The following VTI1A variants were observed in gnomAD, a reference collection of about 807,000 sequenced individuals.
VTI1A encodes vesicle transport through interaction with t-SNAREs homolog 1A.
VTI1A carries 22 observed loss-of-function variants against 34.9 expected under a neutral mutation model. The ratio of observed to expected loss-of-function variants is 0.63; its 90% CI spans 0.45 to 0.90. The LOEUF is 0.90. VTI1A is among the 40% of genes least tolerant of loss of function. The pLI, the probability that VTI1A is intolerant of heterozygous loss-of-function variation, is 0.00. For missense variants in VTI1A, 268 were observed against 275.6 expected (o/e 0.97, Z 0.20); for synonymous variants, 87 against 97.3 (o/e 0.89, Z 0.62).
chr10:112,614,401 G>A (rs538512276), intron 5 of VTI1A, among the ~76,000 whole-genome samples: 3 of 152,250 alleles, frequency 2.0e-5, no homozygotes, highest in Admixed American at 2.0e-4. Flanking sequence ...GACAGCAGCG[G>A]TTAATATTTG....
At chr10:112,783,392 C>T (rs569007888) in intron 7 of VTI1A, among the ~76,000 whole-genome samples, 13 of 97,656 alleles carry the variant, frequency 1.3e-4, no homozygotes, top group Admixed American at 9.7e-4. Flanking sequence ...TGCATGCCCG[C>T]GTGCACGTGC....
At chr10:112,679,490 C>A (rs1848144521) in intron 7 of VTI1A, among the ~76,000 whole-genome samples, 1 of 151,790 alleles carries the variant, frequency 6.6e-6, no homozygotes. Flanking sequence ...TAGGAGGTGT[C>A]ACGATTTTTT....
In VTI1A at chr10:112,779,075, G is replaced by A. The variant is rs12571951; in HGVS notation, c.561-36215G>A. Among the ~76,000 whole-genome samples the A allele has an allele frequency of 4.6e-5, 7 of 152,222 alleles. No homozygotes were observed. The East Asian group carries it at 5.8e-4, about 13-fold the overall frequency. On this transcript the variant is annotated intron_variant, in intron 7 of 7. Coordinates refer to ENST00000393077, the MANE Select transcript of VTI1A (RefSeq NM_145206.4). Reference sequence around the variant, plus strand: ...GTGGAAATCTCACGTTTGCTTTATCGCAGCTTGAAAAGGAACGAGAGAAAG... The same window carrying A: ...GTGGAAATCTCACGTTTGCTTTATCACAGCTTGAAAAGGAACGAGAGAAAG...
At chr10:112,717,123 C>T (rs1398134817) in intron 7 of VTI1A, among the ~76,000 whole-genome samples, 1 of 152,188 alleles carries the variant, frequency 6.6e-6, no homozygotes, top group East Asian at 1.9e-4. Context: ...GACATTGGCT[C>T]AGTGCTGAGA....
chr10:112,566,029 A>T (rs1031670077), intron 5 of VTI1A, among the ~76,000 whole-genome samples: 2 of 152,074 alleles, frequency 1.3e-5, no homozygotes, highest in African/African-American at 4.8e-5. Flanking sequence ...AATTTAAAAG[A>T]TAAACATTAA....
chr10:112,829,301 G>T, the VTI1A span, among the ~76,000 whole-genome samples: 6 of 151,942 alleles, frequency 3.9e-5, no homozygotes, highest in African/African-American at 1.2e-4. Context: ...AAAATTAGCC[G>T]AGCGTGGTGG....
At chr10:112,642,344 T>G (rs1319296717) in intron 5 of VTI1A, among the ~76,000 whole-genome samples, 1 of 152,136 alleles carries the variant, frequency 6.6e-6, no homozygotes, top group East Asian at 1.9e-4. Context: ...ATGTCTGAGT[T>G]GTATTCCTCT....
At chr10:112,842,060 T>C in the VTI1A span, among the ~76,000 whole-genome samples, 11 of 131,608 alleles carry the variant, frequency 8.4e-5, no homozygotes, top group Non-Finnish European at 1.1e-4. Context: ...CCTTTTTTTT[T>C]TTTTTTTTTT....
intron 5 of VTI1A, among the ~76,000 whole-genome samples, chr10:112,633,054 G>A (rs1846196955): frequency 6.6e-6 from 1 of 152,154 alleles, no homozygotes; most frequent in Non-Finnish European, 1.5e-5. Context: ...GGGCGTGGTG[G>A]CTCATGCCAG....
intron 5 of VTI1A, among the ~76,000 whole-genome samples, chr10:112,607,797 A>C (rs1313989050): frequency 6.6e-6 from 1 of 152,118 alleles, no homozygotes; most frequent in Non-Finnish European, 1.5e-5. Flanking sequence ...AGCTCACTCA[A>C]ATTGCTGCTG....
At chr10:112,760,667 G>A (rs1171568887) in intron 7 of VTI1A, among the ~76,000 whole-genome samples, 1 of 152,160 alleles carries the variant, frequency 6.6e-6, no homozygotes, top group East Asian at 1.9e-4. Context: ...AAGGCGGGCA[G>A]ATCACAAGAC....
At chr10:112,835,239 G>A in the VTI1A span, among the ~76,000 whole-genome samples, 13 of 152,092 alleles carry the variant, frequency 8.5e-5, no homozygotes, top group Admixed American at 4.6e-4. Flanking sequence ...CCAGAATGTC[G>A]CTTCTCCTCC....
chr10:112,653,243 A>T (rs1456870649), intron 5 of VTI1A, among the ~76,000 whole-genome samples: 1 of 152,194 alleles, frequency 6.6e-6, no homozygotes, highest in Non-Finnish European at 1.5e-5. Flanking sequence ...AGCGAGAATC[A>T]GCCTTATGTT....
At chr10:112,719,435 TTTA>T (rs1189886843) in intron 7 of VTI1A, among the ~76,000 whole-genome samples, 1 of 152,336 alleles carries the variant, frequency 6.6e-6, no homozygotes, top group African/African-American at 2.4e-5. Flanking sequence ...TTTTAACAGC[TTTA>T]TTGAGATATA....
At chr10:112,659,931 A>G (rs1847382134) in intron 5 of VTI1A, among the ~76,000 whole-genome samples, 2 of 152,340 alleles carry the variant, frequency 1.3e-5, no homozygotes, top group African/African-American at 2.4e-5. Flanking sequence ...TTGGGGACTT[A>G]GGCAAAATGG....
chr10:112,665,309 A>T (rs1339353044), intron 5 of VTI1A, among the ~76,000 whole-genome samples: 1 of 152,082 alleles, frequency 6.6e-6, no homozygotes, highest in Non-Finnish European at 1.5e-5. Context: ...TGGGGGAAAA[A>T]AAAAAAAAGC....
intron 7 of VTI1A, chr10:112,736,886 G>A (rs1850500734): frequency 1.3e-6 from 1 of 750,620 alleles, no homozygotes; most frequent in Non-Finnish European, 2.3e-6. Flanking sequence ...TGATGCTGGT[G>A]GAAGTATTTA....
intron 7 of VTI1A, among the ~76,000 whole-genome samples, chr10:112,782,067 T>C (rs529510153): frequency 1.3e-5 from 2 of 152,362 alleles, no homozygotes; most frequent in Admixed American, 6.5e-5. Context: ...TCTGCTTCCT[T>C]TGTAGCGATT....
intron 5 of VTI1A, among the ~76,000 whole-genome samples, chr10:112,626,076 T>G (rs1192408311): frequency 2.0e-5 from 3 of 152,218 alleles, no homozygotes; most frequent in Non-Finnish European, 4.4e-5. Context: ...GCATCCTTTT[T>G]TTTTGTAATG....
Sources: gnomAD v4.1 joint callset for allele counts (sites outside exome capture counted in the v4.1 genomes callset) on GRCh38, gnomAD v4.1.1 for gene constraint, MANE v1.5 for transcripts, NCBI Gene and HGNC (gene_info 2026-07-23, HGNC 2026-07-21) for gene names.